DIAPH2: variants seen among roughly 807,000 people sequenced by gnomAD.
DIAPH2 encodes the protein diaphanous related formin 2.
DIAPH2 carries 35 observed loss-of-function variants against 92.7 expected under a neutral mutation model. The ratio of observed to expected loss-of-function variants is 0.38; its 90% CI spans 0.29 to 0.50. The LOEUF (loss-of-function observed/expected upper bound fraction) is 0.50. Among genes scored for constraint, DIAPH2 ranks in the 20% least tolerant of loss-of-function variants. The pLI, the probability that DIAPH2 is intolerant of heterozygous loss-of-function variation, is 0.94. For synonymous variants in DIAPH2, 301 were observed against 280.4 expected (o/e 1.07, Z -0.73); for missense variants, 701 against 819.5 (o/e 0.86, Z 1.77).
At chrX:96,899,292 C>A (rs2147768594) in intron 5 of DIAPH2, among the ~76,000 whole-genome samples, 1 of 109,625 alleles carries the variant, frequency 9.1e-6, no homozygotes, top group Admixed American at 9.7e-5. Flanking sequence ...ATGGGGATGG[C>A]ATTGAATCTG....
chrX:97,434,141 G>A (rs182587185), intron 26 of DIAPH2, among the ~76,000 whole-genome samples: 1 of 111,471 alleles, frequency 9.0e-6, no homozygotes, highest in East Asian at 2.8e-4. Flanking sequence ...TGGAAAATTA[G>A]GTTTGCTCCA....
chrX:97,517,383 C>T (rs900573062), intron 26 of DIAPH2, among the ~76,000 whole-genome samples: 1 of 111,729 alleles, frequency 9.0e-6, no homozygotes, highest in Non-Finnish European at 1.9e-5. Flanking sequence ...TAAAGATGAG[C>T]GCTTCAAACT....
At chrX:97,143,640 A>G (rs2067223338) in intron 22 of DIAPH2, among the ~76,000 whole-genome samples, 1 of 110,765 alleles carries the variant, frequency 9.0e-6, no homozygotes, top group Non-Finnish European at 1.9e-5. Context: ...CAGCAGTTCC[A>G]CTACTAGGTA....
At chrX:97,280,293 T>G (rs1462099611) in intron 23 of DIAPH2, among the ~76,000 whole-genome samples, 1 of 108,472 alleles carries the variant, frequency 9.2e-6, no homozygotes, top group Non-Finnish European at 1.9e-5. Flanking sequence ...GCTAACACGG[T>G]GAAACCTCGT....
At chrX:97,570,127 A>AAGATAGAT (rs56210210) in intron 26 of DIAPH2, among the ~76,000 whole-genome samples, 2,474 of 26,860 alleles carry the variant, frequency 0.092, 195 homozygotes, top group Non-Finnish European at 0.096. Context: ...TATATATTAG[A>AAGATAGAT]AGATAGATAG....
intron 23 of DIAPH2, among the ~76,000 whole-genome samples, chrX:97,266,300 A>G (rs971322926): frequency 2.4e-4 from 27 of 112,270 alleles, no homozygotes; most frequent in African/African-American, 7.7e-4. Context: ...CACAACTTTG[A>G]AGGAACAAGT....
chrX:97,143,760 A>G (rs761521282), intron 22 of DIAPH2, among the ~76,000 whole-genome samples: 26 of 111,674 alleles, frequency 2.3e-4, no homozygotes, highest in African/African-American at 6.2e-4. Context: ...ATGTCTATCA[A>G]TGGATTAATG....
At position 97,247,841 on chromosome X, in the gene DIAPH2, T is replaced by C; in HGVS notation, c.2844+2T>C. ...GATAAGTTTGTGGAAAAGATGACCA[T>C]ATCCTTTATTTATTTAAGCATTTTG... is the stretch of plus-strand genomic sequence containing the variant. On this transcript the variant is annotated splice_donor_variant, in intron 23 of 26. Transcript: ENST00000324765. LOFTEE classifies it high-confidence loss of function. 8.3e-7 allele frequency: 1 copy of C among 1,204,998 alleles called. No homozygotes were observed. Among genetic ancestry groups the C allele is most frequent in the African/African-American group, 1.7e-5 (1 of 57,710 alleles).
chrX:97,162,611 C>A (rs1261957305), intron 22 of DIAPH2, among the ~76,000 whole-genome samples: 4 of 110,835 alleles, frequency 3.6e-5, no homozygotes, highest in African/African-American at 1.3e-4. Context: ...CTCAAGTGAT[C>A]CTCCCTGCTT....
chrX:97,217,978 C>T (rs753578858), intron 22 of DIAPH2, among the ~76,000 whole-genome samples: 1 of 111,243 alleles, frequency 9.0e-6, no homozygotes, highest in South Asian at 3.8e-4. Context: ...ACAACGCAAA[C>T]TTATTTTTTG....
intron 22 of DIAPH2, among the ~76,000 whole-genome samples, chrX:97,246,809 A>G (rs934142583): frequency 1.8e-5 from 2 of 112,487 alleles, no homozygotes; most frequent in South Asian, 3.6e-4. Flanking sequence ...TTAAAAACCA[A>G]TGTCACAGGC....
intron 25 of DIAPH2, among the ~76,000 whole-genome samples, chrX:97,413,343 C>T (rs879086677): frequency 9.0e-6 from 1 of 111,148 alleles, no homozygotes. Context: ...AGGCCTTCGA[C>T]AGAATTCTAC....
intron 26 of DIAPH2, among the ~76,000 whole-genome samples, chrX:97,532,982 A>G (rs768169060): frequency 1.8e-5 from 2 of 109,106 alleles, no homozygotes; most frequent in East Asian, 5.6e-4. Flanking sequence ...GGTTCCCAAA[A>G]CTCATCTTTA....
intron 1 of DIAPH2, among the ~76,000 whole-genome samples, chrX:96,712,938 A>G (rs757360342): frequency 1.8e-5 from 2 of 111,159 alleles, no homozygotes; most frequent in South Asian, 7.7e-4. Context: ...CAGAGGAGAG[A>G]GCAGGAGTCT....
At chrX:97,521,397 C>A (rs1286166850) in intron 26 of DIAPH2, among the ~76,000 whole-genome samples, 1 of 112,080 alleles carries the variant, frequency 8.9e-6, no homozygotes, top group Non-Finnish European at 1.9e-5. Flanking sequence ...TCCTTACTCC[C>A]CTTTCCTTAC....
Position 97,098,379 on chromosome X carries a change from G to A in DIAPH2, c.2248-1315G>A, listed in dbSNP as rs769363508. Among the ~76,000 whole-genome samples, 20 of 111,152 alleles carry A rather than the reference G, an allele frequency of 1.8e-4. 1 individual carries two copies. Among genetic ancestry groups the A allele is most frequent in the Non-Finnish European group, 3.4e-4 (18 of 53,013 alleles). ...CCATACCCTTCTACCCCCAGCTTCC[G>A]GTAACCTCAATTCTACTTTTTGTCT... is the stretch of plus-strand genomic sequence containing the variant. On this transcript the variant is annotated intron_variant, in intron 19 of 26. Transcript: ENST00000324765.
chrX:97,539,505 A>G (rs918354627), intron 26 of DIAPH2, among the ~76,000 whole-genome samples: 1 of 112,414 alleles, frequency 8.9e-6, no homozygotes, highest in African/African-American at 3.2e-5. Context: ...GCCAGATACC[A>G]GCCTATGTCA....
intron 26 of DIAPH2, among the ~76,000 whole-genome samples, chrX:97,559,939 G>C (rs186018674): frequency 9.0e-6 from 1 of 111,725 alleles, no homozygotes; most frequent in South Asian, 3.8e-4. Flanking sequence ...TATGGGGTTA[G>C]AGGAGCTATG....
chrX:97,562,129 A>C (rs1269808021), intron 26 of DIAPH2, among the ~76,000 whole-genome samples: 2 of 111,440 alleles, frequency 1.8e-5, no homozygotes, highest in African/African-American at 6.5e-5. Flanking sequence ...TTTGAACCTT[A>C]CAAGAAATGT....
Sources: allele counts gnomAD v4.1 joint callset (sites outside exome capture counted in the v4.1 genomes callset), GRCh38; gene constraint gnomAD v4.1.1; transcripts MANE v1.5; gene names NCBI Gene and HGNC (gene_info 2026-07-23, HGNC 2026-07-21).